USP10: variants seen among roughly 807,000 people sequenced by gnomAD.
USP10 encodes ubiquitin specific peptidase 10, also known as ubiquitin carboxyl-terminal hydrolase 10.
A neutral mutation model predicts 84.5 loss-of-function variants in USP10; 22 were observed. The ratio of observed to expected loss-of-function variants is 0.26; its 90% CI spans 0.19 to 0.37. The LOEUF (loss-of-function observed/expected upper bound fraction) is 0.37. USP10 is among the 10% of genes least tolerant of loss of function. USP10 has a pLI of 1.00. For synonymous variants in USP10, 454 were observed against 387.6 expected (o/e 1.17, Z -2.01); for missense variants, 1,019 against 998.9 (o/e 1.02, Z -0.27).
rs567259031 is a variant in USP10 at position 84,702,211 on chromosome 16, C to A, written c.21+2100C>A. The stretch of plus-strand genomic sequence containing the variant: ...AGCTGGGATTACAGGCGCCCACCAC[C>A]ATGCCTGGCTAATTTTTTGTATTTT... On this transcript the variant is annotated intron_variant, in intron 1 of 13. Coordinates refer to ENST00000219473, the MANE Select transcript of USP10 (RefSeq NM_005153.3). Among the ~76,000 whole-genome samples the A allele has an allele frequency of 1.3e-4, 19 of 151,834 alleles. No individual in the cohort carries two copies. In the East Asian group the frequency reaches 3.5e-3, roughly 28 times the overall value.
intron 1 of USP10, among the ~76,000 whole-genome samples, chr16:84,730,191 C>T (rs1448788899): frequency 2.0e-5 from 3 of 152,152 alleles, no homozygotes; most frequent in South Asian, 4.1e-4. Flanking sequence ...TCTTGTTGAT[C>T]TTTCCAGTGT....
chr16:84,742,071 T>C (rs985577238), intron 3 of USP10, among the ~76,000 whole-genome samples: 1 of 152,212 alleles, frequency 6.6e-6, no homozygotes, highest in Non-Finnish European at 1.5e-5. Context: ...TTGTGTTTTT[T>C]AATTTTTTTA....
intron 1 of USP10, among the ~76,000 whole-genome samples, chr16:84,722,621 G>A (rs186650008): frequency 6.6e-6 from 1 of 152,236 alleles, no homozygotes; most frequent in African/African-American, 2.4e-5. Flanking sequence ...GAGTGCAGTG[G>A]TGTGATCTTG....
At chr16:84,734,591 T>A (rs1909655064) in intron 2 of USP10, among the ~76,000 whole-genome samples, 2 of 152,166 alleles carry the variant, frequency 1.3e-5, no homozygotes, top group Admixed American at 1.3e-4. Context: ...TGGGGTTGGG[T>A]TTTTTTGTTG....
intron 1 of USP10, among the ~76,000 whole-genome samples, chr16:84,722,872 A>T (rs1198275947): frequency 2.0e-5 from 3 of 152,196 alleles, no homozygotes; most frequent in African/African-American, 7.2e-5. Context: ...TCTTAATTTT[A>T]TAGTACATCA....
intron 1 of USP10, among the ~76,000 whole-genome samples, chr16:84,703,010 A>G (rs2150749718): frequency 6.6e-6 from 1 of 150,986 alleles, no homozygotes; most frequent in African/African-American, 2.4e-5. Context: ...AAAAAAAAAA[A>G]AAAGAGCGAA....
Position 84,779,110 on chromosome 16 carries a change from G to C in USP10, c.*28G>C, listed in dbSNP as rs369660018. The C allele has an allele frequency of 1.3e-5, 20 of 1,592,674 alleles. No homozygotes were observed. Among genetic ancestry groups the C allele is most frequent in the Non-Finnish European group, 1.6e-5 (19 of 1,163,898 alleles). ...CCTGTGTGCGCTGTGTGTGCGCCCA[G>C]TGCCCGCTTCGTAGGACACCACCTC... On this transcript the variant is annotated 3_prime_UTR_variant, in exon 14 of 14. Coordinates refer to ENST00000219473, the MANE Select transcript of USP10 (RefSeq NM_005153.3).
chr16:84,776,661 A>T (rs1244552849), intron 13 of USP10, among the ~76,000 whole-genome samples: 1 of 151,828 alleles, frequency 6.6e-6, no homozygotes, highest in African/African-American at 2.4e-5. Flanking sequence ...CTTGCGGGGG[A>T]CATCACTGGG....
intron 4 of USP10, among the ~76,000 whole-genome samples, chr16:84,755,930 C>A (rs992734300): frequency 7.2e-5 from 11 of 152,152 alleles, no homozygotes; most frequent in African/African-American, 2.4e-4. Context: ...ATAACCTGCT[C>A]ATCTGTTGTA....
Position 84,759,959 on chromosome 16 carries a change from G to T in USP10, c.1450+13G>T. The T allele has an allele frequency of 6.2e-7, 1 of 1,613,590 alleles. No homozygotes were observed. Among genetic ancestry groups the T allele is most frequent in the Non-Finnish European group, 8.5e-7 (1 of 1,179,518 alleles). On this transcript the variant is annotated intron_variant, in intron 7 of 13. Coordinates refer to ENST00000219473, the MANE Select transcript of USP10 (RefSeq NM_005153.3). The stretch of plus-strand genomic sequence containing the variant: ...AAACCCCGACAAGGTTAGTAAAAAT[G>T]AGTTTTGTTGATGCTATTACATATT...
intron 13 of USP10, 59 bp downstream of exon 13, chr16:84,775,284 C>G: frequency 6.4e-7 from 1 of 1,559,156 alleles, no homozygotes; most frequent in South Asian, 1.1e-5. Context: ...GGGTTTACAG[C>G]TGGGCACAGG....
intron 10 of USP10, 90 bp downstream of exon 10, chr16:84,764,353 ACTT>A (rs997117563): frequency 1.1e-5 from 17 of 1,534,918 alleles, no homozygotes; most frequent in Admixed American, 8.8e-5. Context: ...TTGTTTTGAG[ACTT>A]CTTGGACGTA....
At chr16:84,761,139 A>G (rs1567640510) in intron 8 of USP10, among the ~76,000 whole-genome samples, 1 of 152,154 alleles carries the variant, frequency 6.6e-6, no homozygotes. Context: ...CAGAAATGGA[A>G]TGAAGTGCGC....
At chr16:84,739,263 T>TG (rs1555542238) in intron 2 of USP10, among the ~76,000 whole-genome samples, 13 of 150,954 alleles carry the variant, frequency 8.6e-5, no homozygotes, top group East Asian at 3.9e-4. Context: ...GTTTGTTTTT[T>TG]TTTTGTTTTG....
chr16:84,758,204 G>GT (rs1394588823), intron 4 of USP10, among the ~76,000 whole-genome samples: 3 of 152,202 alleles, frequency 2.0e-5, no homozygotes, highest in African/African-American at 7.2e-5. Flanking sequence ...TCTGAAAGGA[G>GT]TATTTTTACT....
intron 1 of USP10, 84 bp downstream of exon 1, chr16:84,700,195 G>A: frequency 9.3e-7 from 1 of 1,076,542 alleles, no homozygotes; most frequent in Non-Finnish European, 1.2e-6. Context: ...TCCGCGCCCT[G>A]CCCGGAGCGA....
At chr16:84,730,441 A>G (rs991664868) in intron 1 of USP10, among the ~76,000 whole-genome samples, 2 of 152,248 alleles carry the variant, frequency 1.3e-5, no homozygotes, top group Admixed American at 1.3e-4. Context: ...AGTTATAATA[A>G]AAACACGCTT....
chr16:84,750,297 A>G (rs1220127260), intron 4 of USP10, among the ~76,000 whole-genome samples: 1 of 151,776 alleles, frequency 6.6e-6, no homozygotes, highest in Non-Finnish European at 1.5e-5. Context: ...AATCCTAGCT[A>G]CTGAGGAGGC....
At chr16:84,700,264 C>T (rs1007207553) in intron 1 of USP10, among the ~76,000 whole-genome samples, 153 bp downstream of exon 1, 6 of 151,318 alleles carry the variant, frequency 4.0e-5, no homozygotes, top group African/African-American at 1.2e-4. Context: ...CCGGAGCCAC[C>T]CGCCGCCTCC....
Sources: gnomAD v4.1 joint callset for allele counts (sites outside exome capture counted in the v4.1 genomes callset) on GRCh38, gnomAD v4.1.1 for gene constraint, MANE v1.5 for transcripts, NCBI Gene and HGNC (gene_info 2026-07-23, HGNC 2026-07-21) for gene names.